CFTR: variants seen among roughly 807,000 people sequenced by gnomAD.
CFTR encodes CF transmembrane conductance regulator, also known as cystic fibrosis transmembrane conductance regulator.
CFTR carries 181 observed loss-of-function variants against 171.6 expected under a neutral mutation model. That is an observed-to-expected ratio of 1.05 (90% CI 0.93 to 1.19). The LOEUF is 1.19. Among genes scored for constraint, CFTR ranks in the 50% most tolerant of loss-of-function variants. The pLI is 0.00. For synonymous variants in CFTR, 583 were observed against 608.0 expected (o/e 0.96, Z 0.60); for missense variants, 1,968 against 1,734.7 (o/e 1.13, Z -2.39).
intron 24 of CFTR, among the ~76,000 whole-genome samples, chr7:117,660,650 T>C (rs1331767669): frequency 1.3e-5 from 2 of 151,066 alleles, no homozygotes; most frequent in African/African-American, 4.9e-5. Context: ...AAAGAAAGAT[T>C]ATATTGGGGA....
chr7:117,603,718 A>C lies in CFTR; in HGVS notation c.2844A>C (p.Leu948Phe). Residue 948 changes from leucine to phenylalanine, a missense_variant, in exon 17 of 27, where the codon TTA becomes TTC. By Grantham distance (22) the Leu-to-Phe change is conservative. Coordinates refer to ENST00000003084, the MANE Select transcript of CFTR (RefSeq NM_000492.4). ...CTCTAATCACAGTGTCGAAAATTTT[A>C]CACCACAAAATGTTACATTCTGTTC... is the stretch of plus-strand genomic sequence containing the variant. The part of the protein sequence containing the change: ...VHTLITVSKI[L>F]HHKMLHSVLQ... 1 of 1,614,058 alleles carries C rather than the reference A, an allele frequency of 6.2e-7. No homozygotes were observed. Among genetic ancestry groups the C allele is most frequent in the Admixed American group, 1.7e-5 (1 of 59,996 alleles).
At chr7:117,618,317 C>T (rs945279946) in intron 21 of CFTR, among the ~76,000 whole-genome samples, 8 of 152,002 alleles carry the variant, frequency 5.3e-5, no homozygotes, top group Non-Finnish European at 7.4e-5. Flanking sequence ...GGTGAAACCC[C>T]ATCTCTCCTA....
chr7:117,516,769 G>C (rs1244457731), intron 3 of CFTR, among the ~76,000 whole-genome samples: 2 of 151,914 alleles, frequency 1.3e-5, no homozygotes, highest in Non-Finnish European at 2.9e-5. Context: ...TAGAGAATGG[G>C]GTATCCATCC....
At chr7:117,631,897 G>A (rs1409960857) in intron 22 of CFTR, among the ~76,000 whole-genome samples, 1 of 152,190 alleles carries the variant, frequency 6.6e-6, no homozygotes, top group African/African-American at 2.4e-5. Context: ...GGCATTTGAA[G>A]TGTGTTGGGA....
intron 4 of CFTR, 120 bp downstream of exon 4, chr7:117,531,234 T>C (rs1798861174): frequency 1.4e-6 from 1 of 727,114 alleles, no homozygotes; most frequent in Non-Finnish European, 2.4e-6. Context: ...TAATTTAATA[T>C]GCCTATTAAA....
chr7:117,643,924 T>C (rs565287929), intron 23 of CFTR, among the ~76,000 whole-genome samples: 4 of 152,296 alleles, frequency 2.6e-5, no homozygotes, highest in Admixed American at 1.3e-4. Context: ...ATCTACTATG[T>C]AGTAGAGAGG....
At chr7:117,596,856 A>G (rs987341624) in intron 15 of CFTR, among the ~76,000 whole-genome samples, 91 of 152,312 alleles carry the variant, frequency 6.0e-4, no homozygotes, top group Non-Finnish European at 3.1e-4. Context: ...TGTCTAGCTC[A>G]GGGTTTGTAA....
At chr7:117,537,457 A>T (rs1230342680) in intron 7 of CFTR, among the ~76,000 whole-genome samples, 2 of 152,170 alleles carry the variant, frequency 1.3e-5, no homozygotes, top group African/African-American at 4.8e-5. Flanking sequence ...GTTCTAGGAG[A>T]CTCAGTGAAA....
rs918177339 is a variant in CFTR, at chr7:117,576,555, C to A, written c.1585-11184C>A. On this transcript the variant is annotated intron_variant, in intron 11 of 26. Coordinates refer to ENST00000003084, the MANE Select transcript of CFTR (RefSeq NM_000492.4). ...ATGCCAAGGCACAACTGTATTTATTCTATCATCTACTTGTTTAATCTCACA... is the reference window on the plus strand; with the variant it reads ...ATGCCAAGGCACAACTGTATTTATTATATCATCTACTTGTTTAATCTCACA... Among the ~76,000 whole-genome samples, 137 of 152,170 alleles carry A rather than the reference C, an allele frequency of 9.0e-4. 1 individual carries two copies. The highest frequency in any genetic ancestry group is 3.2e-3 in the African/African-American group (134 of 41,540).
chr7:117,650,881 A>G (rs1340146662), intron 23 of CFTR, among the ~76,000 whole-genome samples: 1 of 152,172 alleles, frequency 6.6e-6, no homozygotes, highest in Non-Finnish European at 1.5e-5. Context: ...AATAGGAAGG[A>G]AAAAATGGTC....
intron 3 of CFTR, among the ~76,000 whole-genome samples, chr7:117,509,410 C>T (rs1360518535): frequency 6.6e-6 from 1 of 152,050 alleles, no homozygotes; most frequent in East Asian, 1.9e-4. Flanking sequence ...TGTTATGATT[C>T]CAAATCACAT....
chr7:117,556,998 A>G (rs944545361), intron 10 of CFTR, among the ~76,000 whole-genome samples: 4 of 151,412 alleles, frequency 2.6e-5, no homozygotes, highest in African/African-American at 9.7e-5. Flanking sequence ...TAATTATTCT[A>G]TTTTTCTTCG....
At position 117,508,919 on chromosome 7, in the gene CFTR, A is replaced by G. The variant is rs1383822344; in HGVS notation, c.165-115A>G. The G allele has an allele frequency of 5.3e-6, 4 of 755,480 alleles. No individual in the cohort carries two copies. The African/African-American group carries it at 6.8e-5, about 13-fold the overall frequency. The allele number at this position is 755,480 out of a possible 1,614,324, so 46.8% of individuals were successfully genotyped here. A position where few individuals can be genotyped will look rare whatever the true frequency, so the allele number is the denominator to read the frequency against. ...CTCCATGAGATTTTGTCTCTATAAT[A>G]CTTGGGTTAATCTCCTTGGATATAC... On this transcript the variant is annotated intron_variant, in intron 2 of 26. Transcript: ENST00000003084.
chr7:117,638,860 C>T (rs1451637556), intron 22 of CFTR, among the ~76,000 whole-genome samples: 1 of 152,074 alleles, frequency 6.6e-6, no homozygotes, highest in Non-Finnish European at 1.5e-5. Context: ...GAACTTATAA[C>T]AGCATCTCGC....
Position 117,504,309 on chromosome 7 carries a change from T to C in CFTR, c.110T>C (p.Ile37Thr). ...GYRQRLELSDIYQIPSVDSAD... is the reference protein window; with the variant it reads ...GYRQRLELSDTYQIPSVDSAD... ...AGACAGCGCCTGGAATTGTCAGACA[T>C]ATACCAAATCCCTTCTGTTGATTCT... is the stretch of plus-strand genomic sequence containing the variant. The change falls in exon 2 of 27, where the codon ATA becomes ACA. Residue 37 changes from isoleucine (I) to threonine (T), a missense_variant. Ile to Thr is a moderately conservative substitution (Grantham distance 89, BLOSUM62 -1). Transcript: ENST00000003084. The C allele has an allele frequency of 6.2e-7, 1 of 1,612,918 alleles. No individual in the cohort carries two copies. Among genetic ancestry groups the C allele is most frequent in the Non-Finnish European group, 8.5e-7 (1 of 1,178,960 alleles).
chr7:117,546,139 G>A (rs910082518), intron 9 of CFTR, among the ~76,000 whole-genome samples: 2 of 151,994 alleles, frequency 1.3e-5, no homozygotes, highest in Non-Finnish European at 2.9e-5. Flanking sequence ...GATTACAGGT[G>A]CCTGCCACTG....
intron 2 of CFTR, among the ~76,000 whole-genome samples, chr7:117,506,939 C>G (rs911229069): frequency 1.3e-5 from 2 of 152,008 alleles, no homozygotes; most frequent in African/African-American, 4.8e-5. Context: ...GGGAAGTGAC[C>G]CTGGCTTCAC....
At chr7:117,583,358 T>C (rs950053648) in intron 11 of CFTR, among the ~76,000 whole-genome samples, 1 of 151,814 alleles carries the variant, frequency 6.6e-6, no homozygotes, top group Non-Finnish European at 1.5e-5. Context: ...CAAAGCACAT[T>C]ATATAATTAT....
chr7:117,515,094 G>T (rs536345643), intron 3 of CFTR, among the ~76,000 whole-genome samples: 2 of 151,966 alleles, frequency 1.3e-5, no homozygotes, highest in South Asian at 4.2e-4. Context: ...CTCCCATTTT[G>T]TAGGTTGCCT....
Sources: gnomAD v4.1 joint callset for allele counts (sites outside exome capture counted in the v4.1 genomes callset) on GRCh38, gnomAD v4.1.1 for gene constraint, MANE v1.5 for transcripts, NCBI Gene and HGNC (gene_info 2026-07-23, HGNC 2026-07-21) for gene names.